ACYP2: variants seen among roughly 807,000 people sequenced by gnomAD.
ACYP2 encodes the protein acylphosphatase-2.
A neutral mutation model predicts 11.2 loss-of-function variants in ACYP2; 12 were observed. The ratio of observed to expected loss-of-function variants is 1.08; its 90% confidence interval spans 0.69 to 1.74. ACYP2 has a LOEUF of 1.74. Ranked by LOEUF, ACYP2 falls within the 40% of genes most tolerant of loss-of-function variation. The pLI, the probability that ACYP2 is intolerant of heterozygous loss-of-function variation, is 0.00. For synonymous variants in ACYP2, 43 were observed against 32.2 expected (o/e 1.33, Z -1.13); for missense variants, 134 against 101.9 (o/e 1.31, Z -1.35).
intron 4 of ACYP2, among the ~76,000 whole-genome samples, chr2:54,109,213 T>C (rs966924922): frequency 6.6e-6 from 1 of 152,146 alleles, no homozygotes; most frequent in Non-Finnish European, 1.5e-5. Flanking sequence ...ACATATACCA[T>C]GGAATACTAC....
chr2:54,167,606 A>G (rs1683047558), intron 6 of ACYP2, among the ~76,000 whole-genome samples: 1 of 152,206 alleles, frequency 6.6e-6, no homozygotes, highest in Admixed American at 6.5e-5. Context: ...AGGCATTTGA[A>G]TATGGCCTGG....
chr2:54,298,079 G>T (rs988271733), intron 6 of ACYP2, among the ~76,000 whole-genome samples: 3 of 152,160 alleles, frequency 2.0e-5, no homozygotes. Context: ...AATTAGAATA[G>T]TTTGGTACTG....
chr2:53,994,329 CAAAAAAAAA>C (rs374302355), intron 2 of ACYP2, among the ~76,000 whole-genome samples: 2 of 42,890 alleles, frequency 4.7e-5, no homozygotes, highest in Non-Finnish European at 8.1e-5. Context: ...GACTCCGTCT[CAAAAAAAAA>C]AAAAAAAAAA....
chr2:54,200,614 G>A (rs780966183), intron 6 of ACYP2, among the ~76,000 whole-genome samples: 1 of 152,134 alleles, frequency 6.6e-6, no homozygotes, highest in Non-Finnish European at 1.5e-5. Context: ...TTTTATGGCC[G>A]AATAACATGA....
intron 6 of ACYP2, among the ~76,000 whole-genome samples, chr2:54,285,837 T>C (rs1689055890): frequency 1.3e-5 from 2 of 152,194 alleles, no homozygotes; most frequent in African/African-American, 4.8e-5. Context: ...GATGTGATGG[T>C]TGGAACTTTA....
At chr2:53,996,431 TAA>T (rs1356414902) in intron 2 of ACYP2, among the ~76,000 whole-genome samples, 1 of 151,194 alleles carries the variant, frequency 6.6e-6, no homozygotes, top group East Asian at 1.9e-4. Context: ...AAGAGGGGAG[TAA>T]AGAGGATTGG....
chr2:54,254,859 G>C, intron 6 of ACYP2: 1 of 1,536,800 alleles, frequency 6.5e-7, no homozygotes, highest in Non-Finnish European at 8.8e-7. Flanking sequence ...TGTTGCCCAA[G>C]CTCAGGTCCA....
chr2:54,058,360 G>T (rs1017163173), intron 4 of ACYP2, among the ~76,000 whole-genome samples: 1 of 149,616 alleles, frequency 6.7e-6, no homozygotes, highest in Admixed American at 6.7e-5. Context: ...TGCTTCCCAG[G>T]GGCTTTTAAA....
At chr2:54,101,817 A>T (rs1418578474) in intron 4 of ACYP2, among the ~76,000 whole-genome samples, 3 of 152,200 alleles carry the variant, frequency 2.0e-5, no homozygotes, top group Non-Finnish European at 4.4e-5. Flanking sequence ...AATGAAGCAG[A>T]AAGTACAGAG....
At chr2:54,226,943 A>C (rs1216766943) in intron 6 of ACYP2, among the ~76,000 whole-genome samples, 3 of 152,308 alleles carry the variant, frequency 2.0e-5, no homozygotes, top group African/African-American at 7.2e-5. Context: ...ATAGATTTAA[A>C]ATTTTAATCA....
At chr2:54,276,619 T>TCACACA (rs3071186) in intron 6 of ACYP2, among the ~76,000 whole-genome samples, 10,261 of 146,026 alleles carry the variant, frequency 0.07, 390 homozygotes, top group Non-Finnish European at 0.083. Flanking sequence ...GATTGTTCTT[T>TCACACA]CACACACACA....
At chr2:54,133,634 C>G (rs1057051911) in intron 4 of ACYP2, among the ~76,000 whole-genome samples, 1 of 152,140 alleles carries the variant, frequency 6.6e-6, no homozygotes, top group Non-Finnish European at 1.5e-5. Context: ...ACCAAAGAAG[C>G]CTGTTCTAAT....
At chr2:53,974,020 C>T (rs1414352799) in intron 2 of ACYP2, among the ~76,000 whole-genome samples, 1 of 150,796 alleles carries the variant, frequency 6.6e-6, no homozygotes, top group Non-Finnish European at 1.5e-5. Context: ...GATTCTTCTG[C>T]CTCAGCGCCT....
In ACYP2 at chr2:54,233,890, T is replaced by A. The variant is rs1450322812; in HGVS notation, c.405-70798T>A. Among the ~76,000 whole-genome samples, 3 of 152,194 alleles carry A rather than the reference T, an allele frequency of 2.0e-5. No homozygotes were observed. The East Asian group carries it at 5.8e-4, about 29-fold the overall frequency. Reference sequence around the variant, plus strand: ...TTTTCAACATAAGCTCTGTCAAGTTTAAGACACTTTTATAAGTGACAATGT... The same window carrying A: ...TTTTCAACATAAGCTCTGTCAAGTTAAAGACACTTTTATAAGTGACAATGT... On this transcript the variant is annotated intron_variant, in intron 6 of 6. Coordinates refer to ENST00000607452, the MANE Select transcript of ACYP2 (RefSeq NM_001320586.2).
At chr2:54,286,254 T>G (rs1476844571) in intron 6 of ACYP2, among the ~76,000 whole-genome samples, 1 of 151,978 alleles carries the variant, frequency 6.6e-6, no homozygotes, top group Non-Finnish European at 1.5e-5. Flanking sequence ...GTATCCACTG[T>G]TTACCCTCGT....
At chr2:54,176,687 A>G (rs1404581734) in intron 6 of ACYP2, among the ~76,000 whole-genome samples, 1 of 152,002 alleles carries the variant, frequency 6.6e-6, no homozygotes. Context: ...CCCCACCTCT[A>G]CCTTCACGAT....
Position 54,027,195 on chromosome 2 carries a change from CA to C in ACYP2, c.63-23762del, listed in dbSNP as rs1388131195. Among the ~76,000 whole-genome samples, 10 of 152,126 alleles carry C rather than the reference CA, an allele frequency of 6.6e-5. 1 individual carries two copies. Among genetic ancestry groups the C allele is most frequent in the Non-Finnish European group, 1.2e-4 (8 of 68,026 alleles). ...GGTAGTTTGAAAACTGAGAAGATAGCAGAAGCAGGAGGGTCTCTTTGACCTT... is the reference window on the plus strand; with the variant it reads ...GGTAGTTTGAAAACTGAGAAGATAGCGAAGCAGGAGGGTCTCTTTGACCTT... On this transcript the variant is annotated intron_variant, in intron 2 of 6. Coordinates refer to ENST00000607452, the MANE Select transcript of ACYP2 (RefSeq NM_001320586.2).
At chr2:54,224,719 C>CCT (rs10680039) in intron 6 of ACYP2, among the ~76,000 whole-genome samples, 88,160 of 151,892 alleles carry the variant, frequency 0.58, 25,986 homozygotes, top group African/African-American at 0.68. Flanking sequence ...GGTACCAGCC[C>CCT]GTCTGCCTAG....
intron 4 of ACYP2, among the ~76,000 whole-genome samples, chr2:54,085,307 G>A (rs1477917366): frequency 6.6e-6 from 1 of 152,210 alleles, no homozygotes; most frequent in Admixed American, 6.5e-5. Context: ...TTGTGGGGGT[G>A]TGAGAGTGCA....
Sources: allele counts gnomAD v4.1 joint callset (sites outside exome capture counted in the v4.1 genomes callset), GRCh38; gene constraint gnomAD v4.1.1; transcripts MANE v1.5; gene names NCBI Gene and HGNC (gene_info 2026-07-23, HGNC 2026-07-21).